USP25: variants seen among roughly 807,000 people sequenced by gnomAD.
USP25 encodes ubiquitin carboxyl-terminal hydrolase 25.
Under a neutral mutation model 158.5 loss-of-function variants are expected in USP25, and 85 were observed. The ratio of observed to expected loss-of-function variants is 0.54; its 90% confidence interval spans 0.45 to 0.64. The LOEUF (loss-of-function observed/expected upper bound fraction) is 0.64. Among genes scored for constraint, USP25 ranks in the 30% least tolerant of loss-of-function variants. USP25 has a pLI of 0.00. For missense variants in USP25, 1,242 were observed against 1,327.3 expected (o/e 0.94, Z 1.00); for synonymous variants, 464 against 460.4 (o/e 1.01, Z -0.10).
intron 10 of USP25, among the ~76,000 whole-genome samples, chr21:15,819,276 A>C (rs1422431676): frequency 6.6e-6 from 1 of 152,230 alleles, no homozygotes; most frequent in Admixed American, 6.5e-5. Flanking sequence ...ATGTGATTGC[A>C]TAAGGTCAGA....
At chr21:15,859,218 G>A (rs1392438740) in intron 20 of USP25, among the ~76,000 whole-genome samples, 2 of 149,392 alleles carry the variant, frequency 1.3e-5, no homozygotes, top group African/African-American at 4.9e-5. Context: ...TTTGAGACGG[G>A]GTCTCGCTCT....
Position 15,826,912 on chromosome 21 carries a change from G to T in USP25, c.1467-65G>T, listed in dbSNP as rs2037533618. On this transcript the variant is annotated intron_variant, in intron 13 of 25. Coordinates refer to ENST00000400183, the MANE Select transcript of USP25 (RefSeq NM_001283041.3). This position sits in a 1 kb window ranked among gnomAD's most constrained non-coding sequence, Gnocchi z 4.8. ...AAGCCAATTTAATACTGTGGGTTTG[G>T]CACGATCTTTGTCAAGAGTTTCAGC... The T allele has an allele frequency of 2.6e-6, 4 of 1,546,922 alleles. No homozygotes were observed. The East Asian group carries it at 6.8e-5, about 26-fold the overall frequency.
chr21:15,869,983 G>A (rs1028587607), intron 22 of USP25, 85 bp from the exon 23 acceptor site: 28 of 958,810 alleles, frequency 2.9e-5, no homozygotes, highest in East Asian at 1.6e-4. Flanking sequence ...AGATAGTAGC[G>A]AAACAGTGCA....
chr21:15,875,191 A>G lies in USP25; in HGVS notation c.3009+665A>G, dbSNP rs1048599704. 6.6e-6 allele frequency among the ~76,000 whole-genome samples: 1 copy of G among 152,178 alleles called. No homozygotes were observed. The highest frequency in any genetic ancestry group is 1.5e-5 in the Non-Finnish European group (1 of 68,022). Reference sequence around the variant, plus strand: ...AAGACTCTGTCTCAAAAAAACAAGAATATACATAGAATGTATTAGAGTAAT... The same window carrying G: ...AAGACTCTGTCTCAAAAAAACAAGAGTATACATAGAATGTATTAGAGTAAT... On this transcript the variant is annotated intron_variant, in intron 24 of 25. Transcript: ENST00000400183. The surrounding 1 kb of genome is among the most constrained non-coding windows in gnomAD (Gnocchi z 4.7).
At chr21:15,848,065 G>A (rs535702537) in intron 19 of USP25, among the ~76,000 whole-genome samples, 4 of 152,182 alleles carry the variant, frequency 2.6e-5, no homozygotes, top group South Asian at 2.1e-4. Flanking sequence ...ATTACAATAA[G>A]ATTTGTTTAA....
At chr21:15,770,530 A>G (rs2123455455) in intron 3 of USP25, among the ~76,000 whole-genome samples, 1 of 152,250 alleles carries the variant, frequency 6.6e-6, no homozygotes, top group Admixed American at 6.5e-5. Context: ...ATTAATGACA[A>G]AACTCTGGAA....
chr21:15,846,362 A>T (rs570977627), intron 18 of USP25, among the ~76,000 whole-genome samples: 97 of 151,082 alleles, frequency 6.4e-4, no homozygotes, highest in Non-Finnish European at 1.2e-3. Context: ...GGATTTCGCC[A>T]TGTTGGCTAG....
chr21:15,855,023 A>G (rs2039068165), intron 20 of USP25, among the ~76,000 whole-genome samples: 1 of 152,232 alleles, frequency 6.6e-6, no homozygotes. Context: ...AAGCAAAAAT[A>G]AAAGCCAGAA....
At chr21:15,845,357 C>G (rs74922172) in intron 18 of USP25, among the ~76,000 whole-genome samples, 2 of 152,114 alleles carry the variant, frequency 1.3e-5, no homozygotes, top group East Asian at 3.9e-4. Flanking sequence ...GACCTGAAAA[C>G]AATAGAAAAA....
At chr21:15,830,847 C>T (rs1159189465) in intron 15 of USP25, among the ~76,000 whole-genome samples, 1 of 152,086 alleles carries the variant, frequency 6.6e-6, no homozygotes, top group African/African-American at 2.4e-5. Context: ...TATTTTCACA[C>T]CGTATGTGTT....
intron 17 of USP25, among the ~76,000 whole-genome samples, chr21:15,840,421 A>G (rs2038276745): frequency 6.6e-6 from 1 of 152,188 alleles, no homozygotes. Context: ...AATACCTAAT[A>G]TAGTACTGAA....
At chr21:15,745,903 A>G (rs8130607) in intron 1 of USP25, among the ~76,000 whole-genome samples, 23,886 of 152,190 alleles carry the variant, frequency 0.16, 3,952 homozygotes, top group African/African-American at 0.42. Context: ...AGGTGTCACT[A>G]AGTCAAGGTT....
intron 23 of USP25, 124 bp from the exon 24 acceptor site, chr21:15,874,279 A>G (rs2040011992): frequency 2.3e-6 from 2 of 885,036 alleles, no homozygotes; most frequent in Admixed American, 3.3e-5. Context: ...GTCAGATGAT[A>G]TTTTTTATTA....
intron 20 of USP25, among the ~76,000 whole-genome samples, chr21:15,862,939 C>T (rs1463475472): frequency 6.6e-6 from 1 of 151,714 alleles, no homozygotes; most frequent in East Asian, 1.9e-4. Flanking sequence ...ACAATACAAC[C>T]ATATAGATCA....
At chr21:15,818,558 G>A (rs1350467729) in intron 9 of USP25, 140 bp from the exon 10 acceptor site, 3 of 706,486 alleles carry the variant, frequency 4.2e-6, no homozygotes, top group Non-Finnish European at 6.8e-6. Context: ...AAACCAACAG[G>A]AAAATTAACA....
chr21:15,827,133 G>T lies in USP25; in HGVS notation c.1623G>T (p.Thr541=). The T allele has an allele frequency of 6.2e-7, 1 of 1,614,124 alleles. No homozygotes were observed. The highest frequency in any genetic ancestry group is 8.5e-7 in the Non-Finnish European group (1 of 1,180,010). The change falls in exon 14 of 26, where the codon ACG becomes ACT. Residue 541 remains threonine (T), a synonymous_variant. Coordinates refer to ENST00000400183, the MANE Select transcript of USP25 (RefSeq NM_001283041.3). ...LPMHPAPRHI[T]EEELSVLESC... is the part of the protein sequence containing the mutation. ...TGCATCCGGCACCAAGGCACATAAC[G>T]GAGGAAGAACTTTCTGTGCTGGAAA...
Position 15,808,896 on chromosome 21 carries a change from G to C in USP25, c.857+11G>C, listed in dbSNP as rs779745273. 1.9e-6 allele frequency: 3 copies of C among 1,596,504 alleles called. No individual in the cohort carries two copies. The highest frequency in any genetic ancestry group is 1.7e-6 in the Non-Finnish European group (2 of 1,170,346). ...AGCTGAAGAGGAGACGTAAGTTACCGTGAAGTTTAGCAATGGGGTTTTAGG... is the reference window on the plus strand; with the variant it reads ...AGCTGAAGAGGAGACGTAAGTTACCCTGAAGTTTAGCAATGGGGTTTTAGG... On this transcript the variant is annotated intron_variant, in intron 8 of 25. Transcript: ENST00000400183.
At chr21:15,862,413 T>G (rs2039464460) in intron 20 of USP25, among the ~76,000 whole-genome samples, 1 of 152,054 alleles carries the variant, frequency 6.6e-6, no homozygotes, top group South Asian at 2.1e-4. Flanking sequence ...ACACTTCTGG[T>G]CCCAGGTATT....
chr21:15,863,480 C>T (rs1216266888), intron 20 of USP25, among the ~76,000 whole-genome samples: 2 of 152,100 alleles, frequency 1.3e-5, no homozygotes, highest in Non-Finnish European at 2.9e-5. Flanking sequence ...AATAATACGA[C>T]TATGCATTTA....
Sources: allele counts gnomAD v4.1 joint callset (sites outside exome capture counted in the v4.1 genomes callset), GRCh38; gene constraint gnomAD v4.1.1; non-coding constraint Gnocchi (gnomAD v3.1); transcripts MANE v1.5; gene names NCBI Gene and HGNC (gene_info 2026-07-23, HGNC 2026-07-21).